Variants in WDFY4 observed in about 807,000 individuals in gnomAD.
WDFY4 encodes WD repeat- and FYVE domain-containing protein 4.
WDFY4 carries 169 observed loss-of-function variants against 351.9 expected under a neutral mutation model. That is an observed-to-expected ratio of 0.48 (90% CI 0.42 to 0.55). The LOEUF (loss-of-function observed/expected upper bound fraction) is 0.55. WDFY4 is among the 20% of genes least tolerant of loss of function. WDFY4 has a pLI of 0.00. For synonymous variants in WDFY4, 1,622 were observed against 1,574.6 expected, an observed-to-expected ratio of 1.03 and a Z score of -0.71; for missense variants, 3,803 against 3,935.6, an observed-to-expected ratio of 0.97 and a Z score of 0.90.
In WDFY4 at chr10:48,712,312, T is replaced by C. The variant is rs993347961; in HGVS notation, c.234+2346T>C. Among the ~76,000 whole-genome samples, 3 of 152,188 alleles carry C rather than the reference T, an allele frequency of 2.0e-5. No homozygotes were observed. The South Asian group carries it at 6.2e-4, about 31-fold the overall frequency. On this transcript the variant is annotated intron_variant, in intron 2 of 61. Coordinates refer to ENST00000325239, the MANE Select transcript of WDFY4 (RefSeq NM_001394531.1). ...TATAAAGTCCACAGCTCATGGAAAGTAGACATTATTCCCATTACTTTTCCA... is the reference window on the plus strand; with the variant it reads ...TATAAAGTCCACAGCTCATGGAAAGCAGACATTATTCCCATTACTTTTCCA...
intron 43 of WDFY4, among the ~76,000 whole-genome samples, chr10:48,885,145 T>C (rs2133343613): frequency 6.6e-6 from 1 of 152,206 alleles, no homozygotes; most frequent in Middle Eastern, 3.4e-3. Context: ...TGCATCAGAA[T>C]CTTCTGGGTT....
intron 39 of WDFY4, among the ~76,000 whole-genome samples, chr10:48,835,937 C>A (rs539513693): frequency 6.6e-6 from 1 of 152,322 alleles, no homozygotes; most frequent in East Asian, 1.9e-4. Flanking sequence ...ACAGTGCCTG[C>A]TACACGGTAG....
chr10:48,691,001 G>C (rs1254072923), intron 1 of WDFY4, among the ~76,000 whole-genome samples: 1 of 152,150 alleles, frequency 6.6e-6, no homozygotes, highest in East Asian at 1.9e-4. Context: ...TCTGCCCCCT[G>C]CTGCCTTCCA....
intron 21 of WDFY4, among the ~76,000 whole-genome samples, chr10:48,789,669 G>C (rs10857642): frequency 0.1 from 15,758 of 152,222 alleles, 912 homozygotes; most frequent in Middle Eastern, 0.24. Context: ...TTACAATTCA[G>C]CCACAGCTTG....
intron 13 of WDFY4, among the ~76,000 whole-genome samples, chr10:48,770,268 C>T (rs1030552367): frequency 6.6e-6 from 1 of 152,130 alleles, no homozygotes. Flanking sequence ...TGAAAACTTT[C>T]AGTTTTTCTT....
chr10:48,832,394 T>C (rs985618541), intron 38 of WDFY4, among the ~76,000 whole-genome samples, 179 bp from the exon 39 acceptor site: 1 of 152,238 alleles, frequency 6.6e-6, no homozygotes, highest in Non-Finnish European at 1.5e-5. Flanking sequence ...CCACAGTGTT[T>C]CTTAGCCAAA....
chr10:48,955,443 G>T (rs1229552410), intron 51 of WDFY4, among the ~76,000 whole-genome samples: 1 of 152,200 alleles, frequency 6.6e-6, no homozygotes, highest in Non-Finnish European at 1.5e-5. Context: ...TGTGTGGTAG[G>T]TTCCCCCCTC....
At chr10:48,761,092 A>T (rs1222780269) in intron 13 of WDFY4, among the ~76,000 whole-genome samples, 1 of 152,174 alleles carries the variant, frequency 6.6e-6, no homozygotes, top group Admixed American at 6.5e-5. Context: ...AGGTCAGGGA[A>T]GCCGTCTCTA....
chr10:48,733,682 G>A (rs975037567), intron 9 of WDFY4, among the ~76,000 whole-genome samples: 3 of 152,276 alleles, frequency 2.0e-5, no homozygotes, highest in Admixed American at 1.3e-4. Context: ...GAAATTCTGG[G>A]GATGGGACCC....
intron 57 of WDFY4, among the ~76,000 whole-genome samples, chr10:48,972,215 T>C (rs1842367923): frequency 6.6e-6 from 1 of 152,200 alleles, no homozygotes. Context: ...CCATGGCTGC[T>C]CAGTGAAGGG....
intron 40 of WDFY4, among the ~76,000 whole-genome samples, chr10:48,872,973 G>A (rs553853273): frequency 3.3e-5 from 5 of 152,314 alleles, no homozygotes; most frequent in African/African-American, 4.8e-5. Context: ...CCAGAGATGG[G>A]AGTCACTTGC....
chr10:48,815,322 T>C (rs1467800397), intron 31 of WDFY4, among the ~76,000 whole-genome samples: 1 of 151,796 alleles, frequency 6.6e-6, no homozygotes, highest in East Asian at 1.9e-4. Flanking sequence ...TTCATATGTT[T>C]ATTAGCTATC....
intron 19 of WDFY4, among the ~76,000 whole-genome samples, chr10:48,782,421 A>G (rs2066257426): frequency 6.6e-6 from 1 of 152,258 alleles, no homozygotes; most frequent in Non-Finnish European, 1.5e-5. Flanking sequence ...ATGTGCAGCC[A>G]CAGGAGGAAC....
At chr10:48,762,448 A>G (rs747495096) in intron 13 of WDFY4, among the ~76,000 whole-genome samples, 3 of 152,204 alleles carry the variant, frequency 2.0e-5, no homozygotes, top group African/African-American at 4.8e-5. Context: ...AGATTTGGGA[A>G]AGGGGTAGGC....
intron 43 of WDFY4, among the ~76,000 whole-genome samples, chr10:48,880,194 G>A (rs1279583802): frequency 6.6e-6 from 1 of 152,174 alleles, no homozygotes; most frequent in Non-Finnish European, 1.5e-5. Context: ...TTTCACCCTG[G>A]CTAGGCTGAA....
chr10:48,919,857 T>C (rs985625524), intron 47 of WDFY4, among the ~76,000 whole-genome samples: 2 of 137,766 alleles, frequency 1.5e-5, no homozygotes, highest in East Asian at 1.9e-4. Context: ...CAATTTGATA[T>C]GATCTCTTTC....
chr10:48,736,219 C>A, intron 11 of WDFY4, 149 bp downstream of exon 11: 1 of 849,872 alleles, frequency 1.2e-6, no homozygotes. Flanking sequence ...GGTGCTGTAA[C>A]AAATAAATCC....
At chr10:48,845,120 G>C (rs539222917) in intron 39 of WDFY4, among the ~76,000 whole-genome samples, 1 of 152,228 alleles carries the variant, frequency 6.6e-6, no homozygotes, top group Admixed American at 6.5e-5. Flanking sequence ...ATGTGGCTGG[G>C]CACAGACACC....
intron 47 of WDFY4, among the ~76,000 whole-genome samples, chr10:48,917,549 T>C (rs1454291564): frequency 6.6e-6 from 1 of 152,140 alleles, no homozygotes; most frequent in Non-Finnish European, 1.5e-5. Context: ...TGACTGCAGG[T>C]TTCTCATCAG....
Sources: allele counts gnomAD v4.1 joint callset (sites outside exome capture counted in the v4.1 genomes callset), GRCh38; gene constraint gnomAD v4.1.1; transcripts MANE v1.5; gene names NCBI Gene and HGNC (gene_info 2026-07-23, HGNC 2026-07-21).